SLC12A2: variants seen among roughly 807,000 people sequenced by gnomAD.
SLC12A2 encodes the protein solute carrier family 12 member 2.
A neutral mutation model predicts 136.3 loss-of-function variants in SLC12A2; 67 were observed. The observed-to-expected ratio is 0.49, with a 90% CI of 0.40 to 0.60. SLC12A2 has a LOEUF of 0.60. Ranked by LOEUF, SLC12A2 falls within the 20% of genes least tolerant of loss-of-function variation. SLC12A2 has a pLI of 0.00. For synonymous variants in SLC12A2, 619 were observed against 562.9 expected (o/e 1.10, Z -1.41); for missense variants, 1,322 against 1,534.7 (o/e 0.86, Z 2.32).
chr5:128,115,100 C>T (rs544760409), intron 4 of SLC12A2, among the ~76,000 whole-genome samples: 4 of 152,248 alleles, frequency 2.6e-5, no homozygotes, highest in South Asian at 2.1e-4. Flanking sequence ...AATAGCATTG[C>T]GTGAGCTATA....
chr5:128,183,085 C>T lies in SLC12A2; in HGVS notation c.3299+144C>T, dbSNP rs191666863. The T allele has an allele frequency of 4.3e-5, 24 of 552,334 alleles. No homozygotes were observed. The Admixed American group carries it at 5.1e-4, about 12-fold the overall frequency. The allele number at this position is 552,334 out of a possible 1,614,324, so 34.2% of individuals were successfully genotyped here. ...TAAAAAATCTAGCATTGATAGTTGG[C>T]ATGCATATATCAGATATTAAAGAAA... On this transcript the variant is annotated intron_variant, in intron 24 of 26. Coordinates refer to ENST00000262461, the MANE Select transcript of SLC12A2 (RefSeq NM_001046.3).
At chr5:128,185,350 C>G (rs1763833969) in intron 26 of SLC12A2, among the ~76,000 whole-genome samples, 1 of 152,080 alleles carries the variant, frequency 6.6e-6, no homozygotes, top group Non-Finnish European at 1.5e-5. Flanking sequence ...AAATATGATA[C>G]TAAATGCCTA....
intron 1 of SLC12A2, among the ~76,000 whole-genome samples, chr5:128,093,805 G>T (rs1760423806): frequency 6.6e-6 from 1 of 152,094 alleles, no homozygotes; most frequent in Non-Finnish European, 1.5e-5. Context: ...TTGTAACTGG[G>T]CTTCTCATAT....
intron 21 of SLC12A2, 73 bp from the exon 22 acceptor site, chr5:128,178,494 A>C: frequency 2.7e-6 from 3 of 1,125,798 alleles, no homozygotes; most frequent in Non-Finnish European, 3.7e-6. Context: ...AACATTAGGA[A>C]ATGATAGGAA....
rs1282908410 is a variant in SLC12A2 at position 128,084,361 on chromosome 5, A to G, written c.407A>G (p.Lys136Arg). Residue 136 changes from lysine (K) to arginine (R), a missense_variant, in exon 1 of 27, where the codon AAG becomes AGG. This residue lies in a region of SLC12A2 where 358 missense variants were observed against 299.7 expected (regional missense o/e 1.19). Transcript: ENST00000262461. This position sits in a 1 kb window ranked among gnomAD's most constrained non-coding sequence, Gnocchi z 5.6. ...SEPAKGSEEA[K>R]GRFRVNFVDP... ...CCGGCTAAAGGCAGCGAGGAAGCCA[A>G]GGGCCGCTTCCGCGTGAACTTCGTG... 3.1e-6 allele frequency: 5 copies of G among 1,600,302 alleles called. No individual in the cohort carries two copies. Among genetic ancestry groups the G allele is most frequent in the Non-Finnish European group, 4.3e-6 (5 of 1,176,094 alleles).
intron 22 of SLC12A2, among the ~76,000 whole-genome samples, chr5:128,180,218 C>T (rs1206257674): frequency 6.6e-6 from 1 of 151,946 alleles, no homozygotes; most frequent in Non-Finnish European, 1.5e-5. Context: ...GATCCACCCA[C>T]CTCGGCCTCC....
At chr5:128,144,310 C>T (rs1490983504) in intron 10 of SLC12A2, among the ~76,000 whole-genome samples, 1 of 152,012 alleles carries the variant, frequency 6.6e-6, no homozygotes, top group Non-Finnish European at 1.5e-5. Context: ...TAAAGCGATA[C>T]AACATGAGGG....
chr5:128,088,356 A>C (rs1274773055), intron 1 of SLC12A2, among the ~76,000 whole-genome samples: 1 of 152,174 alleles, frequency 6.6e-6, no homozygotes, highest in African/African-American at 2.4e-5. Flanking sequence ...ACGTACACAC[A>C]CAGAGTGAAA....
intron 1 of SLC12A2, among the ~76,000 whole-genome samples, chr5:128,095,516 A>T (rs1719951524): frequency 6.6e-6 from 1 of 152,140 alleles, no homozygotes; most frequent in Non-Finnish European, 1.5e-5. Flanking sequence ...CCCAAAGAAT[A>T]TGTGCAGTGT....
At chr5:128,110,381 G>A in intron 1 of SLC12A2, 1 of 1,002,714 alleles carries the variant, frequency 1.0e-6, no homozygotes, top group South Asian at 1.3e-5. Context: ...GTCCTCCCTG[G>A]GAAAGCAAAA....
intron 4 of SLC12A2, 42 bp downstream of exon 4, chr5:128,114,723 T>A (rs1404586728): frequency 8.6e-7 from 1 of 1,165,710 alleles, no homozygotes; most frequent in Non-Finnish European, 1.3e-6. Context: ...AGATTACTCT[T>A]ACTAAACAGA....
chr5:128,089,638 A>G (rs1205392452), intron 1 of SLC12A2, among the ~76,000 whole-genome samples: 4 of 152,220 alleles, frequency 2.6e-5, no homozygotes, highest in African/African-American at 4.8e-5. Flanking sequence ...GTGATGATGT[A>G]AATATTATTA....
intron 4 of SLC12A2, among the ~76,000 whole-genome samples, chr5:128,116,765 A>C (rs1040267119): frequency 3.3e-5 from 5 of 152,214 alleles, no homozygotes; most frequent in Admixed American, 2.6e-4. Context: ...GACTTTGGAC[A>C]GCTGGATGGT....
chr5:128,177,323 A>G (rs1763569644), intron 21 of SLC12A2, among the ~76,000 whole-genome samples, 171 bp downstream of exon 21: 1 of 152,108 alleles, frequency 6.6e-6, no homozygotes, highest in Admixed American at 6.6e-5. Context: ...AAAAAGTTAA[A>G]TATTCTCAGG....
At chr5:128,108,567 C>A (rs1430368097) in intron 1 of SLC12A2, among the ~76,000 whole-genome samples, 1 of 151,972 alleles carries the variant, frequency 6.6e-6, no homozygotes. Flanking sequence ...TTGTGTGAGT[C>A]CATTTATATG....
At chr5:128,177,302 T>A in intron 21 of SLC12A2, 150 bp downstream of exon 21, 1 of 532,028 alleles carries the variant, frequency 1.9e-6, no homozygotes, top group Non-Finnish European at 3.3e-6. Context: ...AAAATTATTA[T>A]TAGTCTAACT....
chr5:128,156,440 AC>A (rs1170610535), intron 15 of SLC12A2, among the ~76,000 whole-genome samples: 2 of 152,176 alleles, frequency 1.3e-5, no homozygotes, highest in Admixed American at 1.3e-4. Flanking sequence ...TGCTGCTGTT[AC>A]TCAAAGTCAT....
At chr5:128,172,837 G>C (rs1253324063) in intron 19 of SLC12A2, among the ~76,000 whole-genome samples, 1 of 152,082 alleles carries the variant, frequency 6.6e-6, no homozygotes, top group Admixed American at 6.6e-5. Flanking sequence ...TGTAATCCCA[G>C]ATGTTTGGGA....
chr5:128,132,198 G>A (rs188400738), intron 5 of SLC12A2, among the ~76,000 whole-genome samples: 5 of 152,216 alleles, frequency 3.3e-5, no homozygotes, highest in East Asian at 1.9e-4. Flanking sequence ...ACCATGGTAC[G>A]GAGAATGGAC....
Sources: gnomAD v4.1 joint callset for allele counts (sites outside exome capture counted in the v4.1 genomes callset) on GRCh38, gnomAD v4.1.1 for gene constraint, gnomAD v4.1.1 regional missense constraint, Gnocchi (gnomAD v3.1) non-coding constraint, MANE v1.5 for transcripts, NCBI Gene and HGNC (gene_info 2026-07-23, HGNC 2026-07-21) for gene names.